Variants in ATRN observed in about 807,000 individuals in gnomAD.
The protein encoded by ATRN is attractin-2.
A neutral mutation model predicts 178.7 loss-of-function variants in ATRN; 54 were observed. That is an observed-to-expected ratio of 0.30 (90% CI 0.24 to 0.38). ATRN has a LOEUF of 0.38. ATRN is among the 10% of genes least tolerant of loss of function. ATRN has a pLI of 1.00. For synonymous variants in ATRN, 636 were observed against 663.0 expected (o/e 0.96, Z 0.63); for missense variants, 1,443 against 1,815.1 (o/e 0.79, Z 3.73).
chr20:3,625,151 C>T (rs1239285645), intron 25 of ATRN, among the ~76,000 whole-genome samples: 2 of 152,148 alleles, frequency 1.3e-5, no homozygotes, highest in Non-Finnish European at 2.9e-5. Context: ...CCCCACCCCA[C>T]GTCCCCCAAT....
At chr20:3,623,501 G>C (rs1165222085) in intron 24 of ATRN, among the ~76,000 whole-genome samples, 2 of 152,204 alleles carry the variant, frequency 1.3e-5, no homozygotes, top group African/African-American at 4.8e-5. Context: ...TGGCCCCTGT[G>C]AGTCTGGCTC....
intron 1 of ATRN, among the ~76,000 whole-genome samples, chr20:3,489,063 C>T (rs1378919826): frequency 6.6e-6 from 1 of 152,082 alleles, no homozygotes; most frequent in Non-Finnish European, 1.5e-5. Flanking sequence ...TGGGTTCAAG[C>T]AATTCTCCTG....
chr20:3,494,691 A>C (rs1182861508), intron 1 of ATRN, among the ~76,000 whole-genome samples: 1 of 152,212 alleles, frequency 6.6e-6, no homozygotes, highest in Non-Finnish European at 1.5e-5. Flanking sequence ...TAATGACTTA[A>C]ATTTTTGATA....
chr20:3,599,891 G>GGTA (rs2086586296), intron 22 of ATRN, among the ~76,000 whole-genome samples: 2 of 152,194 alleles, frequency 1.3e-5, no homozygotes, highest in Non-Finnish European at 2.9e-5. Context: ...CTTTGTGAGA[G>GGTA]AAACTTCTGG....
chr20:3,577,030 G>A (rs1245137920), intron 14 of ATRN, 33 bp downstream of exon 14: 1 of 1,608,710 alleles, frequency 6.2e-7, no homozygotes, highest in South Asian at 1.1e-5. Context: ...GGTGTGTGTG[G>A]GTCCATTACT....
intron 6 of ATRN, among the ~76,000 whole-genome samples, chr20:3,552,554 T>A (rs1292557367): frequency 6.6e-6 from 1 of 152,230 alleles, no homozygotes; most frequent in Non-Finnish European, 1.5e-5. Flanking sequence ...TCATGCTACA[T>A]AACAAATTAC....
intron 24 of ATRN, among the ~76,000 whole-genome samples, chr20:3,622,987 G>A (rs999331714): frequency 5.3e-5 from 8 of 152,208 alleles, no homozygotes; most frequent in East Asian, 1.9e-4. Context: ...GCATCCAGTG[G>A]TTTTTGGCAT....
At chr20:3,621,259 A>T (rs1462590421) in intron 24 of ATRN, among the ~76,000 whole-genome samples, 1 of 152,220 alleles carries the variant, frequency 6.6e-6, no homozygotes, top group Non-Finnish European at 1.5e-5. Context: ...CCATGCACAC[A>T]GGCAGGGAGG....
At chr20:3,518,288 C>T (rs1421486163) in intron 1 of ATRN, among the ~76,000 whole-genome samples, 1 of 152,188 alleles carries the variant, frequency 6.6e-6, no homozygotes, top group Non-Finnish European at 1.5e-5. Flanking sequence ...GGTTGCTCCC[C>T]TGCCTGCAGG....
At chr20:3,524,328 A>C (rs541644994) in intron 1 of ATRN, among the ~76,000 whole-genome samples, 1 of 152,330 alleles carries the variant, frequency 6.6e-6, no homozygotes, top group Middle Eastern at 3.4e-3. Flanking sequence ...AGGACATTAC[A>C]TAATGTTAAA....
chr20:3,483,506 C>T (rs2084650277), intron 1 of ATRN, among the ~76,000 whole-genome samples: 1 of 152,136 alleles, frequency 6.6e-6, no homozygotes, highest in African/African-American at 2.4e-5. Context: ...GCCACCACAC[C>T]CAGCTAATTT....
intron 11 of ATRN, among the ~76,000 whole-genome samples, chr20:3,567,073 T>C (rs897582182): frequency 2.6e-5 from 4 of 152,180 alleles, no homozygotes; most frequent in African/African-American, 7.2e-5. Context: ...TGAGAACATT[T>C]GACAGCTAGA....
chr20:3,551,040 A>G (rs903818886), intron 6 of ATRN, among the ~76,000 whole-genome samples: 14 of 152,210 alleles, frequency 9.2e-5, no homozygotes, highest in African/African-American at 3.4e-4. Flanking sequence ...AGATCTGTTT[A>G]TCTTTACCTG....
intron 3 of ATRN, 31 bp downstream of exon 3, chr20:3,540,366 C>T (rs764654360): frequency 8.9e-6 from 12 of 1,351,340 alleles, no homozygotes; most frequent in Admixed American, 5.9e-5. Flanking sequence ...CTTCTTTCAT[C>T]GTTTGATTTC....
rs1159412931 is a variant in ATRN at position 3,637,724 on chromosome 20, A to G, written c.3943-1104A>G. ...CTCATTTGATCCCAGTGACAACCTT[A>G]TGGGCTAGGAACACATTTCAGAGGG... On this transcript the variant is annotated intron_variant, in intron 26 of 28. Transcript: ENST00000262919. Among the ~76,000 whole-genome samples, 8 of 152,254 alleles carry G rather than the reference A, an allele frequency of 5.3e-5. No individual in the cohort carries two copies. The East Asian group carries it at 1.5e-3, about 29-fold the overall frequency.
At chr20:3,513,440 A>G (rs2085163784) in intron 1 of ATRN, among the ~76,000 whole-genome samples, 1 of 152,118 alleles carries the variant, frequency 6.6e-6, no homozygotes, top group Non-Finnish European at 1.5e-5. Context: ...ATTATTTCTG[A>G]AGGCTCTGTT....
chr20:3,541,506 A>G (rs142674412), intron 3 of ATRN, among the ~76,000 whole-genome samples: 17 of 152,368 alleles, frequency 1.1e-4, no homozygotes, highest in African/African-American at 4.1e-4. Context: ...GGTATAGCCT[A>G]CTGTACACCC....
At chr20:3,599,945 A>G (rs1292593484) in intron 22 of ATRN, among the ~76,000 whole-genome samples, 3 of 152,236 alleles carry the variant, frequency 2.0e-5, no homozygotes, top group Non-Finnish European at 4.4e-5. Flanking sequence ...AAATGTTTCC[A>G]TTGTTGTGAT....
Position 3,584,669 on chromosome 20 carries a change from T to C in ATRN, c.2973T>C (p.Cys991=). ...TAGCTGAAAATTGTTCAGGCTACTG[T>C]ACCTGTAGTCATTGCTTGGAGCAAC... ...TCPPENCSGY[C]TCSHCLEQPG... The change falls in exon 18 of 29, where the codon TGT becomes TGC. Residue 991 remains cysteine, a synonymous_variant. Coordinates refer to ENST00000262919, the MANE Select transcript of ATRN (RefSeq NM_139321.3). The C allele has an allele frequency of 1.2e-6, 2 of 1,614,000 alleles. No homozygotes were observed. The highest frequency in any genetic ancestry group is 1.7e-6 in the Non-Finnish European group (2 of 1,179,928).
Sources: allele counts gnomAD v4.1 joint callset (sites outside exome capture counted in the v4.1 genomes callset), GRCh38; gene constraint gnomAD v4.1.1; transcripts MANE v1.5; gene names NCBI Gene and HGNC (gene_info 2026-07-23, HGNC 2026-07-21).